THSD4: variants seen among roughly 807,000 people sequenced by gnomAD.
THSD4 encodes thrombospondin type-1 domain-containing protein 4.
THSD4 carries 69 observed loss-of-function variants against 119.0 expected under a neutral mutation model. The observed-to-expected ratio is 0.58, with a 90% CI of 0.48 to 0.71. The LOEUF (loss-of-function observed/expected upper bound fraction) is 0.71. Ranked by LOEUF, THSD4 falls within the 30% of genes least tolerant of loss-of-function variation. THSD4 has a pLI of 0.00. For synonymous variants in THSD4, 524 were observed against 540.4 expected (o/e 0.97, Z 0.42); for missense variants, 1,393 against 1,391.1 (o/e 1.00, Z -0.02).
At chr15:71,691,014 G>C (rs149551357) in intron 8 of THSD4, among the ~76,000 whole-genome samples, 1 of 152,204 alleles carries the variant, frequency 6.6e-6, no homozygotes, top group Non-Finnish European at 1.5e-5. Context: ...GGATTATCCA[G>C]GTGAGTCCAG....
intron 6 of THSD4, among the ~76,000 whole-genome samples, chr15:71,275,052 G>A (rs563206156): frequency 9.2e-5 from 14 of 152,004 alleles, no homozygotes; most frequent in African/African-American, 3.4e-4. Context: ...AGTTGTCATC[G>A]TGTGGCTGGT....
chr15:71,200,443 T>C (rs1045998525), intron 3 of THSD4, among the ~76,000 whole-genome samples: 2 of 152,102 alleles, frequency 1.3e-5, no homozygotes, highest in African/African-American at 4.8e-5. Flanking sequence ...GACCCTGAAA[T>C]GCCTGAAGCC....
intron 6 of THSD4, among the ~76,000 whole-genome samples, chr15:71,379,747 C>T (rs12901967): frequency 0.012 from 1,751 of 151,972 alleles, 23 homozygotes; most frequent in Non-Finnish European, 0.018. Context: ...CGTGAGCCAC[C>T]GCGCCCGGCC....
At chr15:71,511,729 T>G (rs913513244) in intron 7 of THSD4, among the ~76,000 whole-genome samples, 1 of 152,226 alleles carries the variant, frequency 6.6e-6, no homozygotes, top group African/African-American at 2.4e-5. Flanking sequence ...TATACAATTA[T>G]AATGAGGTTT....
intron 6 of THSD4, among the ~76,000 whole-genome samples, chr15:71,350,744 G>C (rs60193973): frequency 2.0e-5 from 3 of 151,750 alleles, no homozygotes; most frequent in African/African-American, 7.3e-5. Flanking sequence ...CTGAGGCCTT[G>C]GGGGAGGGCA....
chr15:71,322,813 G>A (rs183480302), intron 6 of THSD4, among the ~76,000 whole-genome samples: 33 of 152,228 alleles, frequency 2.2e-4, no homozygotes, highest in Middle Eastern at 6.8e-3. Context: ...GAGGCCAGGT[G>A]GTGGCCAGGC....
intron 14 of THSD4, among the ~76,000 whole-genome samples, chr15:71,749,483 T>C (rs2053403341): frequency 6.6e-6 from 1 of 152,092 alleles, no homozygotes; most frequent in Non-Finnish European, 1.5e-5. Flanking sequence ...GGAGTTTACC[T>C]GGGATGAGGA....
intron 6 of THSD4, among the ~76,000 whole-genome samples, chr15:71,263,818 C>T (rs980567011): frequency 6.6e-6 from 1 of 152,224 alleles, no homozygotes; most frequent in Non-Finnish European, 1.5e-5. Context: ...ACTATGTGCT[C>T]AAAGGAGGAG....
rs532940335 is a variant in THSD4 at position 71,655,857 on chromosome 15, G to C, written c.1153-4673G>C. Reference sequence around the variant, plus strand: ...GATACACAAACCAGAATTCAAGCCAGATTCGTTTCTGAACACTGTCCTTGG... The same window carrying C: ...GATACACAAACCAGAATTCAAGCCACATTCGTTTCTGAACACTGTCCTTGG... On this transcript the variant is annotated intron_variant, in intron 7 of 17. Transcript: ENST00000261862. 2.4e-4 allele frequency among the ~76,000 whole-genome samples: 37 copies of C among 152,298 alleles called. No homozygotes were observed. The South Asian group carries it at 7.5e-3, about 31-fold the overall frequency.
intron 8 of THSD4, among the ~76,000 whole-genome samples, chr15:71,701,210 G>A (rs954040021): frequency 6.6e-6 from 1 of 152,150 alleles, no homozygotes; most frequent in Admixed American, 6.5e-5. Context: ...GGCAAAGGAT[G>A]TATGTAAGTA....
chr15:71,687,060 T>C (rs770790217), intron 8 of THSD4, among the ~76,000 whole-genome samples: 1 of 152,202 alleles, frequency 6.6e-6, no homozygotes, highest in Non-Finnish European at 1.5e-5. Flanking sequence ...TCCTGCCTGT[T>C]GGCTGGTACC....
chr15:71,546,517 T>C (rs2048840114), intron 7 of THSD4, among the ~76,000 whole-genome samples: 1 of 152,222 alleles, frequency 6.6e-6, no homozygotes, highest in Admixed American at 6.5e-5. Flanking sequence ...GTAGCTCTTA[T>C]TTCTTTAAAA....
At chr15:71,579,417 A>G (rs928107135) in intron 7 of THSD4, among the ~76,000 whole-genome samples, 2 of 152,206 alleles carry the variant, frequency 1.3e-5, no homozygotes, top group Non-Finnish European at 2.9e-5. Context: ...AGTTCCGATG[A>G]GAAAGGGAAC....
intron 3 of THSD4, among the ~76,000 whole-genome samples, chr15:71,194,581 C>T (rs888635416): frequency 1.3e-5 from 2 of 152,218 alleles, no homozygotes; most frequent in African/African-American, 4.8e-5. Flanking sequence ...ACGTGTCACT[C>T]ATTCTCTTAC....
At chr15:71,567,168 C>T (rs1019350150) in intron 7 of THSD4, among the ~76,000 whole-genome samples, 1 of 152,140 alleles carries the variant, frequency 6.6e-6, no homozygotes, top group African/African-American at 2.4e-5. Context: ...CTATAAGAGG[C>T]AGCACGTTGC....
chr15:71,273,001 A>C (rs2044550742), intron 6 of THSD4, among the ~76,000 whole-genome samples: 2 of 152,340 alleles, frequency 1.3e-5, no homozygotes, highest in South Asian at 4.1e-4. Context: ...CTCAAAAAAA[A>C]CTAAAAATAG....
At chr15:71,623,569 A>G (rs896243270) in intron 7 of THSD4, among the ~76,000 whole-genome samples, 5 of 152,236 alleles carry the variant, frequency 3.3e-5, no homozygotes, top group Admixed American at 6.5e-5. Flanking sequence ...CACTGTATTC[A>G]GTATTATGGC....
intron 7 of THSD4, among the ~76,000 whole-genome samples, chr15:71,461,482 A>G (rs573452668): frequency 6.6e-6 from 1 of 152,224 alleles, no homozygotes; most frequent in East Asian, 1.9e-4. Flanking sequence ...CTGGGTCAGC[A>G]CACCCTCGAT....
rs1311546982 is a variant in THSD4 at position 71,432,522 on chromosome 15, T to G, written c.1152+20699T>G. On this transcript the variant is annotated intron_variant, in intron 7 of 17. Coordinates refer to ENST00000261862, the MANE Select transcript of THSD4 (RefSeq NM_024817.3). ...TATATAATCTGTTCCTTTCCCTCCCTTCTTTTTTTTTTTTTTTTGCAGTTT... is the reference window on the plus strand; with the variant it reads ...TATATAATCTGTTCCTTTCCCTCCCGTCTTTTTTTTTTTTTTTTGCAGTTT... 4.2e-5 allele frequency among the ~76,000 whole-genome samples: 3 copies of G among 71,498 alleles called. 1 individual carries two copies. The highest frequency in any genetic ancestry group is 9.2e-5 in the Non-Finnish European group (3 of 32,576). The allele number at this position is 71,498 out of a possible 152,430, so 46.9% of individuals were successfully genotyped here.
Sources: gnomAD v4.1 joint callset for allele counts (sites outside exome capture counted in the v4.1 genomes callset) on GRCh38, gnomAD v4.1.1 for gene constraint, MANE v1.5 for transcripts, NCBI Gene and HGNC (gene_info 2026-07-23, HGNC 2026-07-21) for gene names.